The following GPC5 variants were observed in gnomAD, a reference collection of about 807,000 sequenced individuals.
The protein encoded by GPC5 is glypican 5.
A neutral mutation model predicts 53.9 loss-of-function variants in GPC5; 47 were observed. That is an observed-to-expected ratio of 0.87 (90% CI 0.69 to 1.11). The LOEUF is 1.11. Among genes scored for constraint, GPC5 ranks in the 50% most tolerant of loss-of-function variants. GPC5 has a pLI of 0.00. For synonymous variants in GPC5, 286 were observed against 263.3 expected, an observed-to-expected ratio of 1.09 and a Z score of -0.84; for missense variants, 748 against 713.1, an observed-to-expected ratio of 1.05 and a Z score of -0.56.
At chr13:92,740,556 G>T (rs1889055204) in intron 7 of GPC5, among the ~76,000 whole-genome samples, 1 of 152,136 alleles carries the variant, frequency 6.6e-6, no homozygotes, top group African/African-American at 2.4e-5. Flanking sequence ...TATAGAACAT[G>T]TTGAGCATTA....
At chr13:91,947,088 A>G (rs910658579) in intron 6 of GPC5, among the ~76,000 whole-genome samples, 5 of 152,158 alleles carry the variant, frequency 3.3e-5, no homozygotes, top group Non-Finnish European at 5.9e-5. Context: ...TGCACACAGA[A>G]GAACCCTTTA....
At chr13:92,286,202 G>T (rs887621557) in intron 7 of GPC5, among the ~76,000 whole-genome samples, 6 of 152,176 alleles carry the variant, frequency 3.9e-5, no homozygotes, top group Admixed American at 3.9e-4. Context: ...TCTCACACCA[G>T]TTAGAATGGT....
At chr13:92,157,534 A>G (rs991547200) in intron 7 of GPC5, among the ~76,000 whole-genome samples, 1 of 152,212 alleles carries the variant, frequency 6.6e-6, no homozygotes, top group Non-Finnish European at 1.5e-5. Context: ...GGCTTTTGAA[A>G]CAGGCAAGAA....
At chr13:91,521,377 A>G (rs1208684947) in intron 2 of GPC5, among the ~76,000 whole-genome samples, 1 of 152,192 alleles carries the variant, frequency 6.6e-6, no homozygotes. Flanking sequence ...TGAGAGAGAA[A>G]TAGAAACACA....
intron 7 of GPC5, among the ~76,000 whole-genome samples, chr13:92,388,288 G>T (rs1874836689): frequency 6.6e-6 from 1 of 151,884 alleles, no homozygotes; most frequent in Non-Finnish European, 1.5e-5. Context: ...TATAAGAGTG[G>T]AAATGGATTT....
chr13:92,502,812 A>G (rs140134372), intron 7 of GPC5, among the ~76,000 whole-genome samples: 2 of 152,124 alleles, frequency 1.3e-5, no homozygotes, highest in East Asian at 3.9e-4. Context: ...ATAGGTGAGA[A>G]TGTTGACCTA....
intron 2 of GPC5, among the ~76,000 whole-genome samples, chr13:91,471,714 G>A (rs1477034080): frequency 1.3e-5 from 2 of 151,944 alleles, no homozygotes; most frequent in East Asian, 1.9e-4. Context: ...ATCCTGACTC[G>A]GAGATCATTT....
chr13:92,637,431 A>G (rs1054454540), intron 7 of GPC5, among the ~76,000 whole-genome samples: 1 of 152,194 alleles, frequency 6.6e-6, no homozygotes, highest in African/African-American at 2.4e-5. Context: ...ACAAACCACT[A>G]GAAAGGGAAG....
At chr13:92,502,358 C>G (rs1321879532) in intron 7 of GPC5, among the ~76,000 whole-genome samples, 1 of 151,350 alleles carries the variant, frequency 6.6e-6, no homozygotes, top group Admixed American at 6.6e-5. Flanking sequence ...AATGGTAGAC[C>G]TAAATCTAAG....
At chr13:92,351,011 A>T (rs546901052) in intron 7 of GPC5, among the ~76,000 whole-genome samples, 7 of 152,086 alleles carry the variant, frequency 4.6e-5, no homozygotes, top group Non-Finnish European at 1.0e-4. Context: ...TTCAGTATAA[A>T]GTCATATAGC....
intron 7 of GPC5, among the ~76,000 whole-genome samples, chr13:92,466,177 T>C (rs1443149825): frequency 1.0e-5 from 1 of 95,742 alleles, no homozygotes; most frequent in East Asian, 4.7e-4. Context: ...TACGTATTAT[T>C]TGTTAATTAA....
intron 6 of GPC5, among the ~76,000 whole-genome samples, chr13:92,063,323 A>G (rs2041139542): frequency 6.6e-6 from 1 of 152,110 alleles, no homozygotes; most frequent in Non-Finnish European, 1.5e-5. Context: ...TCTTACTTTT[A>G]TTTCTTACTA....
At chr13:92,298,178 C>T (rs1165040626) in intron 7 of GPC5, among the ~76,000 whole-genome samples, 4 of 152,126 alleles carry the variant, frequency 2.6e-5, no homozygotes, top group Admixed American at 1.3e-4. Context: ...CGTGCCCCCT[C>T]GCCCACAGCA....
At chr13:91,834,350 C>G (rs1292424924) in intron 5 of GPC5, among the ~76,000 whole-genome samples, 16 of 152,122 alleles carry the variant, frequency 1.1e-4, no homozygotes. Context: ...AATGCTATCC[C>G]CATCAAGCTA....
In GPC5 at chr13:92,508,109, G is replaced by T. The variant is rs138173533; in HGVS notation, c.1562-358173G>T. On this transcript the variant is annotated intron_variant, in intron 7 of 7. Transcript: ENST00000377067. Reference sequence around the variant, plus strand: ...CTCCCCAGTAGCTGGGACTACAGGTGCACACCACCATGCTGGGCTAATTTT... The same window carrying T: ...CTCCCCAGTAGCTGGGACTACAGGTTCACACCACCATGCTGGGCTAATTTT... 5.3e-3 allele frequency among the ~76,000 whole-genome samples: 808 copies of T among 152,176 alleles called. 8 individuals are homozygous for T. The highest frequency in any genetic ancestry group is 0.018 in the African/African-American group (750 of 41,512).
At chr13:91,479,132 C>T (rs1424851317) in intron 2 of GPC5, among the ~76,000 whole-genome samples, 2 of 151,312 alleles carry the variant, frequency 1.3e-5, no homozygotes, top group Non-Finnish European at 2.9e-5. Context: ...AGGGTGGCCT[C>T]GAACTCCTGA....
In GPC5 at chr13:91,958,067, T is replaced by G. The variant is rs140491116; in HGVS notation, c.1401+50010T>G. 4.0e-3 allele frequency among the ~76,000 whole-genome samples: 608 copies of G among 151,754 alleles called. 5 individuals carry two copies. Among genetic ancestry groups the G allele is most frequent in the African/African-American group, 0.014 (580 of 41,426 alleles). ...ATATAAACATATTGAACTGCCCACT[T>G]AAATGATATAGACTGGTTGATTTTT... On this transcript the variant is annotated intron_variant, in intron 6 of 7. Transcript: ENST00000377067.
chr13:92,543,271 G>T (rs901407686), intron 7 of GPC5, among the ~76,000 whole-genome samples: 1 of 151,694 alleles, frequency 6.6e-6, no homozygotes, highest in African/African-American at 2.4e-5. Context: ...GTTCTCAATT[G>T]TGTGTTTTAT....
chr13:92,469,101 A>T (rs74450048), intron 7 of GPC5, among the ~76,000 whole-genome samples: 3,884 of 152,286 alleles, frequency 0.026, 68 homozygotes, highest in Non-Finnish European at 0.038. Context: ...GTCAAGATAC[A>T]TGTATAGAAT....
Sources: allele counts gnomAD v4.1 joint callset (sites outside exome capture counted in the v4.1 genomes callset), GRCh38; gene constraint gnomAD v4.1.1; transcripts MANE v1.5; gene names NCBI Gene and HGNC (gene_info 2026-07-23, HGNC 2026-07-21).